The following SLC8A1 variants were observed in gnomAD, a reference collection of about 807,000 sequenced individuals.
SLC8A1 encodes the protein sodium/calcium exchanger 1.
Under a neutral mutation model 68.3 loss-of-function variants are expected in SLC8A1, and 18 were observed. The observed-to-expected ratio is 0.26, with a 90% CI of 0.18 to 0.39. The LOEUF is 0.39. Ranked by LOEUF, SLC8A1 falls within the 10% of genes least tolerant of loss-of-function variation. SLC8A1 has a pLI of 1.00. For synonymous variants in SLC8A1, 475 were observed against 415.5 expected (o/e 1.14, Z -1.74); for missense variants, 985 against 1,156.7 (o/e 0.85, Z 2.15).
chr2:40,354,496 G>C (rs564439496), intron 2 of SLC8A1, among the ~76,000 whole-genome samples: 13 of 152,270 alleles, frequency 8.5e-5, no homozygotes, highest in Admixed American at 8.5e-4. Context: ...TGTCAATGGA[G>C]CAAAGGACCT....
chr2:40,392,699 CTCT>C (rs1685691284), intron 2 of SLC8A1, among the ~76,000 whole-genome samples: 1 of 152,008 alleles, frequency 6.6e-6, no homozygotes, highest in Non-Finnish European at 1.5e-5. Flanking sequence ...TTCACATTCC[CTCT>C]TGTTTGTTAG....
chr2:40,446,414 C>A (rs1383165821), intron 1 of SLC8A1: 1 of 152,230 alleles, frequency 6.6e-6, no homozygotes, highest in East Asian at 1.9e-4. Context: ...TCCACGGTTA[C>A]CTTGTCGTAA....
intron 2 of SLC8A1, among the ~76,000 whole-genome samples, chr2:40,303,473 T>G (rs542921799): frequency 6.6e-6 from 1 of 152,300 alleles, no homozygotes; most frequent in East Asian, 1.9e-4. Context: ...TTCTGGCAAG[T>G]ACAGCCCATG....
At chr2:40,437,250 G>A (rs902540804) in intron 1 of SLC8A1, among the ~76,000 whole-genome samples, 3 of 152,096 alleles carry the variant, frequency 2.0e-5, no homozygotes, top group Non-Finnish European at 4.4e-5. Context: ...GGGACAGAGA[G>A]CTCAAGATTT....
chr2:40,184,519 G>A (rs991573377), intron 2 of SLC8A1, among the ~76,000 whole-genome samples: 1 of 152,136 alleles, frequency 6.6e-6, no homozygotes, highest in African/African-American at 2.4e-5. Flanking sequence ...AGGCATCAGC[G>A]TTTACACTCA....
At position 40,426,538 on chromosome 2, in the gene SLC8A1, C is replaced by T. The variant is rs191148469; in HGVS notation, c.1808+1935G>A. Among the ~76,000 whole-genome samples, 227 of 151,964 alleles carry T rather than the reference C, an allele frequency of 1.5e-3. 2 individuals carry two copies. The highest frequency in any genetic ancestry group is 4.2e-3 in the African/African-American group (174 of 41,520). Reference sequence around the variant, plus strand: ...CCTTATTCTTCTGCATCGTACCACCCAAAAGAAGGTTATTTATGGTTTGGT... The same window carrying T: ...CCTTATTCTTCTGCATCGTACCACCTAAAAGAAGGTTATTTATGGTTTGGT... On this transcript the variant is annotated intron_variant, in intron 2 of 7. Coordinates refer to ENST00000406785, the Ensembl canonical transcript of SLC8A1.
At chr2:40,415,165 G>C (rs2149715624) in intron 2 of SLC8A1, among the ~76,000 whole-genome samples, 1 of 152,316 alleles carries the variant, frequency 6.6e-6, no homozygotes, top group South Asian at 2.1e-4. Flanking sequence ...GAACAACCAA[G>C]TCTAAGAGTA....
chr2:40,200,224 T>TATATATATAAA (rs1558722544), intron 2 of SLC8A1, among the ~76,000 whole-genome samples: 3 of 4,548 alleles, frequency 6.6e-4, no homozygotes, highest in African/African-American at 1.1e-3. Flanking sequence ...ATATATTTTT[T>TATATATATAAA]TATATATATA....
chr2:40,418,882 A>AG, intron 2 of SLC8A1, among the ~76,000 whole-genome samples: 1 of 152,258 alleles, frequency 6.6e-6, no homozygotes, highest in African/African-American at 2.4e-5. Context: ...AAGCAGGCAC[A>AG]GGGGGTAGGT....
rs530926671 is a variant in SLC8A1, at chr2:40,276,705, C to A, written c.1809-98850G>T. Among the ~76,000 whole-genome samples, 5 of 152,318 alleles carry A rather than the reference C, an allele frequency of 3.3e-5. No homozygotes were observed. The South Asian group carries it at 1.0e-3, about 32-fold the overall frequency. On this transcript the variant is annotated intron_variant, in intron 2 of 7. Transcript: ENST00000406785. ...TGTTTATGGTTTCAGGAAACTATCA[C>A]CTCTTTAATCTTTCAAAATACATTT...
intron 6 of SLC8A1, among the ~76,000 whole-genome samples, chr2:40,153,023 T>G (rs1458851385): frequency 1.3e-5 from 2 of 152,084 alleles, no homozygotes; most frequent in Admixed American, 1.3e-4. Flanking sequence ...ATTTCCAAAT[T>G]CAATTTTGTC....
chr2:40,178,804 AAAG>A (rs1273436483), intron 2 of SLC8A1, among the ~76,000 whole-genome samples: 2 of 152,194 alleles, frequency 1.3e-5, no homozygotes, highest in African/African-American at 2.4e-5. Context: ...AATAATAAGA[AAAG>A]AAAAACACAT....
intron 1 of SLC8A1, among the ~76,000 whole-genome samples, chr2:40,482,105 T>A (rs946984380): frequency 3.9e-5 from 6 of 152,202 alleles, no homozygotes; most frequent in Non-Finnish European, 7.3e-5. Context: ...ATGCTTAATA[T>A]GAAATTGATC....
chr2:40,416,144 C>G (rs1693814007), intron 2 of SLC8A1, among the ~76,000 whole-genome samples: 1 of 149,536 alleles, frequency 6.7e-6, no homozygotes, highest in Admixed American at 6.7e-5. Flanking sequence ...TGCCATACTT[C>G]TTAATTATGT....
At chr2:40,258,955 T>C (rs1223527311) in intron 2 of SLC8A1, among the ~76,000 whole-genome samples, 4 of 152,090 alleles carry the variant, frequency 2.6e-5, no homozygotes, top group Admixed American at 2.6e-4. Flanking sequence ...GAAATACTTT[T>C]CTCATCCAGT....
chr2:40,159,145 A>T (rs7570501), intron 6 of SLC8A1, among the ~76,000 whole-genome samples: 28,125 of 152,012 alleles, frequency 0.19, 3,092 homozygotes, highest in African/African-American at 0.29. Flanking sequence ...GAAATTGCAG[A>T]CTCTATACGT....
intron 2 of SLC8A1, among the ~76,000 whole-genome samples, chr2:40,415,857 T>TACACAC (rs1491346327): frequency 5.9e-5 from 6 of 101,748 alleles, no homozygotes; most frequent in Admixed American, 3.4e-4. Flanking sequence ...CTACTAAAAG[T>TACACAC]ATACACACAC....
chr2:40,141,763 TA>T (rs1347901327), intron 6 of SLC8A1, among the ~76,000 whole-genome samples: 1 of 152,176 alleles, frequency 6.6e-6, no homozygotes, highest in East Asian at 1.9e-4. Context: ...ATAGGGCCTT[TA>T]AAAATGTAAT....
chr2:40,471,002 C>G lies in SLC8A1; in HGVS notation c.-24-40698G>C, dbSNP rs111344821. ...TAAGTGGTTTTGCTATTACTATGAG[C>G]TCTACAACCCAGCTTTTAAAATGGG... is the stretch of plus-strand genomic sequence containing the variant. On this transcript the variant is annotated intron_variant, in intron 1 of 7. Transcript: ENST00000402441. 5.2e-3 allele frequency among the ~76,000 whole-genome samples: 790 copies of G among 152,254 alleles called. 2 individuals carry two copies. The highest frequency in any genetic ancestry group is 8.1e-3 in the South Asian group (39 of 4,820).
Sources: allele counts gnomAD v4.1 joint callset (sites outside exome capture counted in the v4.1 genomes callset), GRCh38; gene constraint gnomAD v4.1.1; transcripts MANE v1.5; gene names NCBI Gene and HGNC (gene_info 2026-07-23, HGNC 2026-07-21).